SLC25A13: variants seen among roughly 807,000 people sequenced by gnomAD.
The protein encoded by SLC25A13 is electrogenic aspartate/glutamate antiporter SLC25A13, mitochondrial.
A neutral mutation model predicts 85.5 loss-of-function variants in SLC25A13; 70 were observed. The observed-to-expected ratio is 0.82, with a 90% confidence interval of 0.68 to 1.00. The LOEUF (loss-of-function observed/expected upper bound fraction) is 1.00, where lower values mean the gene tolerates loss of function less well. Ranked by LOEUF, SLC25A13 falls within the 50% of genes least tolerant of loss-of-function variation. SLC25A13 has a pLI of 0.00. For missense variants in SLC25A13, 765 were observed against 819.8 expected (o/e 0.93, Z 0.82); for synonymous variants, 259 against 288.7 (o/e 0.90, Z 1.04).
intron 2 of SLC25A13, among the ~76,000 whole-genome samples, chr7:96,292,830 A>G (rs974430384): frequency 2.0e-5 from 3 of 152,252 alleles, no homozygotes; most frequent in East Asian, 1.9e-4. Context: ...GGAAGAATCA[A>G]TATCATGAAA....
rs556024099 is a variant in SLC25A13, at chr7:96,289,615, C to T, written c.69+7283G>A. ...GCACAAGAACTATGTGACAAATGCA[C>T]AAGCTTCAGTAGCCGATTCGATCAA... On this transcript the variant is annotated intron_variant, in intron 2 of 17. Coordinates refer to ENST00000265631, the MANE Select transcript of SLC25A13 (RefSeq NM_014251.3). 2.8e-4 allele frequency among the ~76,000 whole-genome samples: 43 copies of T among 152,228 alleles called. No individual in the cohort carries two copies. The South Asian group carries it at 5.2e-3, about 18-fold the overall frequency.
At chr7:96,130,889 G>C (rs899646127) in intron 15 of SLC25A13, among the ~76,000 whole-genome samples, 38 of 152,338 alleles carry the variant, frequency 2.5e-4, no homozygotes, top group African/African-American at 8.7e-4. Context: ...GGTTCCCCAG[G>C]CTGCAGCCAG....
intron 13 of SLC25A13, among the ~76,000 whole-genome samples, chr7:96,156,676 C>T (rs1793279236): frequency 6.6e-6 from 1 of 152,108 alleles, no homozygotes; most frequent in Admixed American, 6.6e-5. Flanking sequence ...TGGTCTCAAT[C>T]TCCTAACCTC....
At chr7:96,272,824 AT>A (rs1305020945) in intron 3 of SLC25A13, among the ~76,000 whole-genome samples, 9 of 152,372 alleles carry the variant, frequency 5.9e-5, no homozygotes, top group Admixed American at 3.3e-4. Context: ...TGGACAATAT[AT>A]ACAGGAGAAA....
chr7:96,259,006 A>G (rs937734004), intron 3 of SLC25A13, among the ~76,000 whole-genome samples: 5 of 152,246 alleles, frequency 3.3e-5, no homozygotes, highest in Non-Finnish European at 7.3e-5. Context: ...AAAACTGGCT[A>G]ACCATATGCA....
chr7:96,208,944 A>G lies in SLC25A13; in HGVS notation c.362T>C (p.Ile121Thr), dbSNP rs1795574078. Residue 121 changes from isoleucine to threonine, a missense_variant, in exon 5 of 18, where the codon ATT (isoleucine) becomes ACT (threonine). Physicochemically the swap from Ile to Thr is moderately conservative, Grantham distance 89 (BLOSUM62 -1). Coordinates refer to ENST00000265631, the MANE Select transcript of SLC25A13 (RefSeq NM_014251.3). ...CCAGTTAAATGGAATATGTTGATGA[A>G]TTGTGGTCTGTCCAAAAACTTGCTT... Reference protein sequence around the residue: ...DVKQVFGQTTIHQHIPFNWDS... With the variant: ...DVKQVFGQTTTHQHIPFNWDS... 1 of 1,614,182 alleles carries G rather than the reference A, an allele frequency of 6.2e-7. No individual in the cohort carries two copies. The highest frequency in any genetic ancestry group is 8.5e-7 in the Non-Finnish European group (1 of 1,180,002).
intron 5 of SLC25A13, among the ~76,000 whole-genome samples, chr7:96,201,670 C>T (rs1292203746): frequency 1.3e-5 from 2 of 152,180 alleles, no homozygotes; most frequent in African/African-American, 4.8e-5. Flanking sequence ...ATTACGGCTT[C>T]AGCCAGTTCT....
At chr7:96,223,737 G>A (rs1219617219) in intron 4 of SLC25A13, among the ~76,000 whole-genome samples, 1 of 146,046 alleles carries the variant, frequency 6.8e-6, no homozygotes, top group Admixed American at 7.0e-5. Flanking sequence ...GCAGTGAGCC[G>A]AGATTGTGCC....
At chr7:96,178,888 C>T (rs1042322872) in intron 11 of SLC25A13, among the ~76,000 whole-genome samples, 1 of 152,198 alleles carries the variant, frequency 6.6e-6, no homozygotes, top group East Asian at 1.9e-4. Context: ...CATTACAACC[C>T]AGTTCTGACA....
intron 4 of SLC25A13, among the ~76,000 whole-genome samples, chr7:96,226,529 T>C (rs1796333945): frequency 1.3e-5 from 2 of 152,140 alleles, no homozygotes; most frequent in Non-Finnish European, 2.9e-5. Flanking sequence ...GTGGATCATA[T>C]GGTACTTCTA....
At position 96,131,765 on chromosome 7, in the gene SLC25A13, C is replaced by G. The variant is rs1792040536; in HGVS notation, c.1569G>C (p.Leu523=). ...CACCAGCTATGGCACCAGCTAAGAG[C>G]AGGCTTCCTGGGCTAACCTGCCCAT... The part of the protein sequence containing the change: ...NEDGQVSPGS[L]LLAGAIAGMP... The change falls in exon 15 of 18, where the codon CTG becomes CTC. Residue 523 remains leucine, a synonymous_variant. Transcript: ENST00000265631. The G allele has an allele frequency of 6.2e-7, 1 of 1,614,062 alleles. No individual in the cohort carries two copies. Among genetic ancestry groups the G allele is most frequent in the Non-Finnish European group, 8.5e-7 (1 of 1,180,008 alleles).
In SLC25A13 at chr7:96,122,012, C is replaced by T. The variant is rs372207116; in HGVS notation, c.1592-15G>A. ...TGCAGGCATACCTGCAGGAGAGACA[C>T]AACACCATCTCAGTCTGGTCACATT... On this transcript the variant is annotated splice_polypyrimidine_tract_variant and intron_variant, in intron 15 of 17. Coordinates refer to ENST00000265631, the MANE Select transcript of SLC25A13 (RefSeq NM_014251.3). The T allele has an allele frequency of 1.2e-6, 2 of 1,613,984 alleles. No homozygotes were observed. The highest frequency in any genetic ancestry group is 2.7e-5 in the African/African-American group (2 of 74,924).
intron 6 of SLC25A13, among the ~76,000 whole-genome samples, 200 bp downstream of exon 6, chr7:96,192,837 G>T (rs186306546): frequency 6.6e-5 from 10 of 151,922 alleles, no homozygotes; most frequent in South Asian, 2.1e-4. Flanking sequence ...AAGATATTCC[G>T]TATTACCCAG....
intron 13 of SLC25A13, among the ~76,000 whole-genome samples, chr7:96,154,294 C>CA: frequency 8.0e-6 from 1 of 125,518 alleles, no homozygotes; most frequent in South Asian, 2.6e-4. Flanking sequence ...CACTGAGTGT[C>CA]TTTTTTTTTT....
intron 11 of SLC25A13, among the ~76,000 whole-genome samples, chr7:96,183,031 G>A (rs565455920): frequency 6.6e-6 from 1 of 152,154 alleles, no homozygotes; most frequent in Non-Finnish European, 1.5e-5. Context: ...CATTTCATTT[G>A]CAAAGTTGTT....
chr7:96,169,129 G>C (rs12538145), intron 13 of SLC25A13, among the ~76,000 whole-genome samples: 5,845 of 152,196 alleles, frequency 0.038, 164 homozygotes, highest in Admixed American at 0.085. Context: ...GGACTTCTTA[G>C]GTCCTGCTAC....
At chr7:96,267,149 T>C (rs1025137520) in intron 3 of SLC25A13, among the ~76,000 whole-genome samples, 2 of 152,352 alleles carry the variant, frequency 1.3e-5, no homozygotes, top group East Asian at 1.9e-4. Flanking sequence ...GAACTGCTGA[T>C]GTTTAAATAT....
chr7:96,176,443 C>A (rs566917800), intron 11 of SLC25A13, among the ~76,000 whole-genome samples: 1 of 152,304 alleles, frequency 6.6e-6, no homozygotes, highest in Non-Finnish European at 1.5e-5. Context: ...AGTTCAGCTC[C>A]ATCAGCACAT....
At chr7:96,243,891 A>C (rs545816169) in intron 3 of SLC25A13, among the ~76,000 whole-genome samples, 1 of 152,296 alleles carries the variant, frequency 6.6e-6, no homozygotes, top group South Asian at 2.1e-4. Context: ...CCTGGATTTT[A>C]TTCCTAGGGA....
Sources: gnomAD v4.1 joint callset for allele counts (sites outside exome capture counted in the v4.1 genomes callset) on GRCh38, gnomAD v4.1.1 for gene constraint, MANE v1.5 for transcripts, NCBI Gene and HGNC (gene_info 2026-07-23, HGNC 2026-07-21) for gene names.